The following GABRG3 variants were observed in gnomAD, a reference collection of about 807,000 sequenced individuals.
GABRG3 encodes gamma-aminobutyric acid type A receptor subunit gamma3.
GABRG3 carries 25 observed loss-of-function variants against 48.8 expected under a neutral mutation model. The ratio of observed to expected loss-of-function variants is 0.51; its 90% CI spans 0.37 to 0.72. GABRG3 has a LOEUF of 0.72. Ranked by LOEUF, GABRG3 falls within the 30% of genes least tolerant of loss-of-function variation. The probability of loss-of-function intolerance (pLI) is 0.00; values close to 1 mark genes in which losing one functional copy is unlikely to be tolerated. For synonymous variants in GABRG3, 227 were observed against 217.6 expected (o/e 1.04, Z -0.38); for missense variants, 394 against 577.9 (o/e 0.68, Z 3.26).
intron 3 of GABRG3, among the ~76,000 whole-genome samples, chr15:27,321,567 A>G (rs746363449): frequency 1.3e-5 from 2 of 152,256 alleles, no homozygotes; most frequent in Admixed American, 6.5e-5. Flanking sequence ...AGAAACCTGA[A>G]CAACCTTTAA....
At chr15:27,337,590 G>A (rs557279612) in intron 5 of GABRG3, among the ~76,000 whole-genome samples, 1 of 152,260 alleles carries the variant, frequency 6.6e-6, no homozygotes, top group Admixed American at 6.5e-5. Context: ...TGAGACCCAC[G>A]CAGAGGTCTT....
chr15:26,987,357 C>T (rs73366086), intron 2 of GABRG3, among the ~76,000 whole-genome samples: 9,818 of 152,306 alleles, frequency 0.064, 1,050 homozygotes, highest in African/African-American at 0.22. Flanking sequence ...AATGCTTTGC[C>T]TTACATTGAA....
intron 6 of GABRG3, among the ~76,000 whole-genome samples, chr15:27,494,673 A>G (rs1890439905): frequency 6.6e-6 from 1 of 152,148 alleles, no homozygotes; most frequent in Admixed American, 6.5e-5. Flanking sequence ...ATGTCCTTAC[A>G]AGATCTGTAG....
At chr15:27,522,237 G>A (rs1456590373) in intron 7 of GABRG3, among the ~76,000 whole-genome samples, 1 of 151,842 alleles carries the variant, frequency 6.6e-6, no homozygotes, top group Non-Finnish European at 1.5e-5. Context: ...TCTATATCCA[G>A]AGAAAATATA....
intron 3 of GABRG3, among the ~76,000 whole-genome samples, chr15:27,314,964 G>A (rs1351685975): frequency 8.6e-5 from 13 of 152,040 alleles, no homozygotes; most frequent in Non-Finnish European, 1.5e-5. Context: ...AGATGAATAA[G>A]TTCTCTAGAT....
chr15:27,334,509 C>G (rs751900941), intron 5 of GABRG3, among the ~76,000 whole-genome samples: 1 of 152,036 alleles, frequency 6.6e-6, no homozygotes, highest in Non-Finnish European at 1.5e-5. Context: ...TAATTAGTAC[C>G]CCACTGTTGA....
intron 2 of GABRG3, among the ~76,000 whole-genome samples, chr15:27,012,600 A>G (rs184076240): frequency 3.6e-4 from 55 of 152,218 alleles, no homozygotes; most frequent in Admixed American, 1.7e-3. Context: ...TATTAACTCT[A>G]TAGGAAGGAA....
At chr15:27,518,871 G>A (rs967208784) in intron 6 of GABRG3, among the ~76,000 whole-genome samples, 1 of 152,204 alleles carries the variant, frequency 6.6e-6, no homozygotes, top group Non-Finnish European at 1.5e-5. Flanking sequence ...ATGGCAGTAG[G>A]TAGAATGATT....
At chr15:27,381,717 T>C (rs1020308862) in intron 5 of GABRG3, among the ~76,000 whole-genome samples, 2 of 152,194 alleles carry the variant, frequency 1.3e-5, no homozygotes, top group African/African-American at 4.8e-5. Context: ...AAGCTCCGTA[T>C]ATGCCAGGAC....
rs1891665091 is a variant in GABRG3, at chr15:27,541,777, A to T, written c.*8896A>T. On this transcript the variant is annotated 3_prime_UTR_variant, in exon 10 of 10. Transcript: ENST00000615808. Reference sequence around the variant, plus strand: ...TGCGCAGAGGACGTGGCTCCCCGCTATCCGTGCGGCTCGTGGTGTCCTAGT... The same window carrying T: ...TGCGCAGAGGACGTGGCTCCCCGCTTTCCGTGCGGCTCGTGGTGTCCTAGT... 1 of 152,062 alleles carries T rather than the reference A, an allele frequency of 6.6e-6. No homozygotes were observed. Among genetic ancestry groups the T allele is most frequent in the Non-Finnish European group, 1.5e-5 (1 of 68,012 alleles). The allele number at this position is 152,062 out of a possible 1,614,324, so 9.4% of individuals were successfully genotyped here. A position where few individuals can be genotyped will look rare whatever the true frequency, so the allele number is the denominator to read the frequency against.
intron 5 of GABRG3, among the ~76,000 whole-genome samples, chr15:27,358,265 T>A (rs926375682): frequency 6.6e-6 from 1 of 152,174 alleles, no homozygotes; most frequent in Non-Finnish European, 1.5e-5. Flanking sequence ...TTGTTGCTCT[T>A]ACGAGTGAAA....
chr15:27,315,089 T>A (rs1204778432), intron 3 of GABRG3, among the ~76,000 whole-genome samples: 1 of 152,166 alleles, frequency 6.6e-6, no homozygotes, highest in African/African-American at 2.4e-5. Flanking sequence ...TAAAATAAAA[T>A]TTTTCAAAAC....
At chr15:27,248,837 CAGAG>C (rs1490129088) in intron 3 of GABRG3, among the ~76,000 whole-genome samples, 4 of 81,850 alleles carry the variant, frequency 4.9e-5, no homozygotes, top group Admixed American at 1.1e-4. Flanking sequence ...GAGAGAGAGA[CAGAG>C]AGAAGCTGCT....
At chr15:27,101,471 G>A (rs1484120126) in intron 3 of GABRG3, among the ~76,000 whole-genome samples, 2 of 152,114 alleles carry the variant, frequency 1.3e-5, no homozygotes, top group Non-Finnish European at 2.9e-5. Context: ...ACAACACCTA[G>A]AATAGCTGAA....
Position 27,060,607 on chromosome 15 carries a change from G to A in GABRG3, c.270+33786G>A, listed in dbSNP as rs116447398. ...TTCTGTGTGAAACGTTAAGTGGCGTGGGGATGATGCAGAGACTATTTCTGA... is the reference window on the plus strand; with the variant it reads ...TTCTGTGTGAAACGTTAAGTGGCGTAGGGATGATGCAGAGACTATTTCTGA... On this transcript the variant is annotated intron_variant, in intron 3 of 9. Transcript: ENST00000615808. Among the ~76,000 whole-genome samples the A allele has an allele frequency of 6.7e-3, 1,014 of 152,292 alleles. 12 individuals are homozygous for A. The highest frequency in any genetic ancestry group is 0.023 in the African/African-American group (967 of 41,554).
At chr15:27,375,807 A>G (rs1895575945) in intron 5 of GABRG3, among the ~76,000 whole-genome samples, 2 of 152,166 alleles carry the variant, frequency 1.3e-5, no homozygotes, top group Admixed American at 1.3e-4. Flanking sequence ...GGGTGGGGAC[A>G]CAGCCAAACC....
chr15:27,455,929 G>A (rs915226120), intron 5 of GABRG3, among the ~76,000 whole-genome samples: 2 of 152,134 alleles, frequency 1.3e-5, no homozygotes, highest in African/African-American at 2.4e-5. Context: ...CACTTTGCCC[G>A]TGTCCAGACT....
At chr15:27,458,071 CTG>C (rs1889337239) in intron 5 of GABRG3, among the ~76,000 whole-genome samples, 1 of 152,260 alleles carries the variant, frequency 6.6e-6, no homozygotes, top group Non-Finnish European at 1.5e-5. Context: ...GAGTCCCCAC[CTG>C]TCTCAGTCCC....
intron 6 of GABRG3, among the ~76,000 whole-genome samples, chr15:27,504,371 A>G (rs953760832): frequency 7.2e-5 from 11 of 152,012 alleles, no homozygotes; most frequent in African/African-American, 2.7e-4. Context: ...TTGAGATAAA[A>G]CTTTTTGACT....
Sources: gnomAD v4.1 joint callset for allele counts (sites outside exome capture counted in the v4.1 genomes callset) on GRCh38, gnomAD v4.1.1 for gene constraint, MANE v1.5 for transcripts, NCBI Gene and HGNC (gene_info 2026-07-23, HGNC 2026-07-21) for gene names.